Variants in NUP98 observed in about 807,000 individuals in gnomAD.
NUP98 encodes nuclear pore complex protein Nup98-Nup96.
Under a neutral mutation model 191.9 loss-of-function variants are expected in NUP98, and 26 were observed. The ratio of observed to expected loss-of-function variants is 0.14; its 90% confidence interval spans 0.10 to 0.19. The LOEUF (loss-of-function observed/expected upper bound fraction) is 0.19, where lower values mean the gene tolerates loss of function less well. NUP98 is among the 10% of genes least tolerant of loss of function. NUP98 has a pLI of 1.00. For missense variants in NUP98, 1,941 were observed against 2,178.8 expected, an observed-to-expected ratio of 0.89 and a Z score of 2.17; for synonymous variants, 808 against 778.4, an observed-to-expected ratio of 1.04 and a Z score of -0.63.
chr11:3,750,668 C>G (rs964790223), intron 11 of NUP98, among the ~76,000 whole-genome samples: 1 of 151,792 alleles, frequency 6.6e-6, no homozygotes, highest in Non-Finnish European at 1.5e-5. Context: ...CATTCTGTTA[C>G]CCAGGCTGGA....
chr11:3,770,819 A>G (rs1026825135), intron 7 of NUP98, among the ~76,000 whole-genome samples: 2 of 152,102 alleles, frequency 1.3e-5, no homozygotes, highest in African/African-American at 4.8e-5. Flanking sequence ...GGCAAATTCC[A>G]TCAGTTCTAT....
chr11:3,717,026 C>A (rs568317484), intron 18 of NUP98, among the ~76,000 whole-genome samples: 3 of 152,180 alleles, frequency 2.0e-5, no homozygotes, highest in South Asian at 2.1e-4. Context: ...TTCTTTGACA[C>A]GTGGTCTCGC....
intron 11 of NUP98, 62 bp from the exon 12 acceptor site, chr11:3,744,711 G>A: frequency 6.5e-7 from 1 of 1,534,396 alleles, no homozygotes; most frequent in Non-Finnish European, 8.8e-7. Context: ...TGTGCCAGAG[G>A]TCAGTTACTT....
At chr11:3,780,858 T>A (rs576119106) in intron 2 of NUP98, among the ~76,000 whole-genome samples, 4 of 151,752 alleles carry the variant, frequency 2.6e-5, no homozygotes, top group African/African-American at 9.7e-5. Context: ...GGCGGGCAGA[T>A]TGCTTGAGGT....
intron 1 of NUP98, among the ~76,000 whole-genome samples, chr11:3,791,840 TAAA>T (rs148173966): frequency 1.8e-5 from 2 of 112,902 alleles, no homozygotes; most frequent in African/African-American, 3.3e-5. Context: ...AGACTACATC[TAAA>T]AAAAAAAAAA....
intron 11 of NUP98, among the ~76,000 whole-genome samples, chr11:3,748,751 A>G (rs945227792): frequency 6.6e-6 from 1 of 152,196 alleles, no homozygotes; most frequent in Non-Finnish European, 1.5e-5. Context: ...CCCGTACCAA[A>G]GCTATTTTTT....
At position 3,700,646 on chromosome 11, in the gene NUP98, C is replaced by T. The variant is rs540976897; in HGVS notation, c.3706G>A (p.Val1236Ile). 5 of 1,614,066 alleles carry T rather than the reference C, an allele frequency of 3.1e-6. No homozygotes were observed. The South Asian group carries it at 5.5e-5, about 18-fold the overall frequency. The change falls in exon 24 of 33, where the codon GTT becomes ATT. Residue 1236 changes from valine to isoleucine, a missense_variant. By Grantham distance (29) the Val-to-Ile change is conservative (BLOSUM62 3). This residue lies in a region of NUP98 where 1,030 missense variants were observed against 1,115.8 expected (regional missense o/e 0.92). Coordinates refer to ENST00000324932, the MANE Select transcript of NUP98 (RefSeq NM_016320.5). ...VAVIHDYADW[V>I]KEASGDLPEA... is the part of the protein sequence containing the mutation. The stretch of plus-strand genomic sequence containing the variant: ...GGTAAGTCTCCTGATGCTTCTTTAA[C>T]CCAATCTGCATAGTCATGAATGACA...
rs753558736 is a variant in NUP98, at chr11:3,700,891, AGGATTT to A, written c.3513-58_3513-53del. On this transcript the variant is annotated intron_variant, in intron 23 of 32. Transcript: ENST00000324932. ...AGAAAATGAACCTAAGACAGAAGCT[AGGATTT>A]TTACTTCAACCAAACCACTGTTTCT... is the stretch of plus-strand genomic sequence containing the variant. 5 of 1,276,610 alleles carry A rather than the reference AGGATTT, an allele frequency of 3.9e-6. No homozygotes were observed. In the African/African-American group the frequency reaches 7.4e-5, roughly 19 times the overall value. 79.1% of individuals were successfully genotyped at this position (1,276,610 alleles called of 1,614,324 possible).
intron 30 of NUP98, 46 bp downstream of exon 30, chr11:3,683,154 G>A (rs1564800990): frequency 3.7e-6 from 6 of 1,609,458 alleles, no homozygotes; most frequent in Non-Finnish European, 4.2e-6. Context: ...TTCAGAGGTT[G>A]GAGGAATTTG....
At chr11:3,791,051 A>G (rs1031776593) in intron 1 of NUP98, among the ~76,000 whole-genome samples, 1 of 151,732 alleles carries the variant, frequency 6.6e-6, no homozygotes, top group Non-Finnish European at 1.5e-5. Context: ...GCCCGCCACC[A>G]CGCCCAGCTA....
At chr11:3,692,636 G>C (rs908668422) in intron 27 of NUP98, among the ~76,000 whole-genome samples, 3 of 151,686 alleles carry the variant, frequency 2.0e-5, no homozygotes, top group African/African-American at 4.8e-5. Flanking sequence ...GGATCTATCA[G>C]GGATTTTAAA....
At chr11:3,768,467 T>A in intron 8 of NUP98, 114 bp downstream of exon 8, 6 of 815,608 alleles carry the variant, frequency 7.4e-6, no homozygotes, top group South Asian at 3.6e-5. Context: ...TTAAATACCC[T>A]CAACTCTTAA....
Position 3,702,919 on chromosome 11 carries a change from G to C in NUP98, c.3083-27C>G, listed in dbSNP as rs73426390. ...TGAAATGAAGCGGGAATGAAGGGGAGAAAGACTATTACAAAACACAAGCTA... is the reference window on the plus strand; with the variant it reads ...TGAAATGAAGCGGGAATGAAGGGGACAAAGACTATTACAAAACACAAGCTA... On this transcript the variant is annotated intron_variant, in intron 22 of 32. Coordinates refer to ENST00000324932, the MANE Select transcript of NUP98 (RefSeq NM_016320.5). 4,117 of 1,547,934 alleles carry C rather than the reference G, an allele frequency of 2.7e-3. 109 individuals are homozygous for C. In the African/African-American group the frequency reaches 0.05, roughly 19 times the overall value.
chr11:3,706,167 G>T (rs2078853353), intron 21 of NUP98, among the ~76,000 whole-genome samples: 1 of 151,888 alleles, frequency 6.6e-6, no homozygotes, highest in Admixed American at 6.6e-5. Context: ...AAGAAACTCT[G>T]CCTCAAAAAC....
chr11:3,773,610 T>G, intron 6 of NUP98, 22 bp downstream of exon 6: 2 of 1,368,758 alleles, frequency 1.5e-6, no homozygotes, highest in Non-Finnish European at 2.1e-6. Context: ...TAGACTGACA[T>G]TCTGTATTGT....
chr11:3,736,872 T>G (rs1279439132), intron 12 of NUP98, among the ~76,000 whole-genome samples: 1 of 152,192 alleles, frequency 6.6e-6, no homozygotes, highest in Non-Finnish European at 1.5e-5. Flanking sequence ...CCTTATAAGT[T>G]TATTATTTAC....
intron 20 of NUP98, among the ~76,000 whole-genome samples, chr11:3,709,766 A>C (rs1223217485): frequency 1.4e-5 from 2 of 139,348 alleles, no homozygotes; most frequent in Non-Finnish European, 3.0e-5. Flanking sequence ...GTTACTGAAC[A>C]CAAGTTACAC....
At chr11:3,694,932 G>A (rs574098502) in intron 26 of NUP98, among the ~76,000 whole-genome samples, 71 of 152,166 alleles carry the variant, frequency 4.7e-4, no homozygotes, top group South Asian at 2.7e-3. Context: ...AAAAATCACA[G>A]AACTCCTATG....
chr11:3,755,264 T>G (rs1005788055), intron 10 of NUP98, among the ~76,000 whole-genome samples: 19 of 149,428 alleles, frequency 1.3e-4, no homozygotes, highest in Non-Finnish European at 2.7e-4. Context: ...AAGACTAGCC[T>G]GGCCAACATG....
Sources: gnomAD v4.1 joint callset for allele counts (sites outside exome capture counted in the v4.1 genomes callset) on GRCh38, gnomAD v4.1.1 for gene constraint, gnomAD v4.1.1 regional missense constraint, MANE v1.5 for transcripts, NCBI Gene and HGNC (gene_info 2026-07-23, HGNC 2026-07-21) for gene names.